RBPMS: variants seen among roughly 807,000 people sequenced by gnomAD.
The protein encoded by RBPMS is RNA binding protein, mRNA processing factor.
A neutral mutation model predicts 26.8 loss-of-function variants in RBPMS; 7 were observed. The ratio of observed to expected loss-of-function variants is 0.26; its 90% CI spans 0.15 to 0.49. RBPMS has a LOEUF of 0.49. Among genes scored for constraint, RBPMS ranks in the 20% least tolerant of loss-of-function variants. RBPMS has a pLI of 0.98. For synonymous variants in RBPMS, 96 were observed against 93.3 expected (o/e 1.03, Z -0.17); for missense variants, 186 against 250.0 (o/e 0.74, Z 1.73).
intron 1 of RBPMS, among the ~76,000 whole-genome samples, chr8:30,458,256 G>GACC (rs1384704176): frequency 6.6e-6 from 1 of 152,030 alleles, no homozygotes; most frequent in African/African-American, 2.4e-5. Flanking sequence ...CCATGATGTG[G>GACC]AACTCACAGA....
chr8:30,385,275 G>C, intron 1 of RBPMS, 117 bp downstream of exon 1: 2 of 655,862 alleles, frequency 3.0e-6, no homozygotes, highest in Non-Finnish European at 4.6e-6. Flanking sequence ...CCGTGCCCCG[G>C]ACGCAGCCCC....
intron 1 of RBPMS, among the ~76,000 whole-genome samples, chr8:30,458,720 A>G (rs1203844538): frequency 1.3e-5 from 2 of 152,128 alleles, no homozygotes; most frequent in Non-Finnish European, 2.9e-5. Context: ...GTGGCCTCAG[A>G]CACTGTTTTT....
At position 30,453,688 on chromosome 8, in the gene RBPMS, A is replaced by T. The variant is rs191738599; in HGVS notation, c.67-21091A>T. The T allele has an allele frequency of 1.0e-3, 153 of 152,278 alleles. 6 individuals carry two copies. The highest frequency in any genetic ancestry group is 9.9e-3 in the Admixed American group (152 of 15,284). The allele number at this position is 152,278 out of a possible 1,614,324, so 9.4% of individuals were successfully genotyped here. A position where few individuals can be genotyped will look rare whatever the true frequency, so the allele number is the denominator to read the frequency against. On this transcript the variant is annotated intron_variant, in intron 1 of 8. Transcript: ENST00000397323. Reference sequence around the variant, plus strand: ...TCTAATTTTTCTCTGCCTGTGTGAGATTCACTCACGGCCTGATTCAAAGGC... The same window carrying T: ...TCTAATTTTTCTCTGCCTGTGTGAGTTTCACTCACGGCCTGATTCAAAGGC...
chr8:30,556,040 C>T (rs1826875236), intron 6 of RBPMS: 5 of 985,306 alleles, frequency 5.1e-6, no homozygotes, highest in Non-Finnish European at 3.6e-6. Flanking sequence ...GGAAGCTGGG[C>T]GCAGCGGAGC....
chr8:30,449,741 C>T (rs1814322475), intron 1 of RBPMS, among the ~76,000 whole-genome samples: 3 of 152,176 alleles, frequency 2.0e-5, no homozygotes, highest in Admixed American at 2.0e-4. Context: ...GAAACTTGGC[C>T]TCAGGGTGAT....
At chr8:30,452,582 G>A (rs889298246) in intron 1 of RBPMS, among the ~76,000 whole-genome samples, 4 of 152,164 alleles carry the variant, frequency 2.6e-5, no homozygotes, top group East Asian at 3.8e-4. Flanking sequence ...GGGAGGATCC[G>A]TATCTCATTT....
chr8:30,538,663 G>C (rs1304054831), intron 5 of RBPMS, among the ~76,000 whole-genome samples: 1 of 152,076 alleles, frequency 6.6e-6, no homozygotes, highest in African/African-American at 2.4e-5. Context: ...AGTTCCCTAG[G>C]GCTGCCACAA....
At chr8:30,549,760 T>C (rs77889399) in intron 6 of RBPMS, among the ~76,000 whole-genome samples, 56 of 35,350 alleles carry the variant, frequency 1.6e-3, no homozygotes, top group Middle Eastern at 0.019. Flanking sequence ...CCTTTTCTTT[T>C]CTTTTCTTTT....
At chr8:30,504,171 G>A (rs1354201395) in intron 4 of RBPMS, 115 bp from the exon 5 acceptor site, 4 of 1,042,650 alleles carry the variant, frequency 3.8e-6, no homozygotes, top group Non-Finnish European at 5.8e-6. Flanking sequence ...AATGAGAGTG[G>A]TTGCTGACCT....
At chr8:30,462,268 A>G (rs1328326583) in intron 1 of RBPMS, among the ~76,000 whole-genome samples, 2 of 152,224 alleles carry the variant, frequency 1.3e-5, no homozygotes, top group Admixed American at 1.3e-4. Context: ...TCTTTGCCAT[A>G]ACCAGTGTTA....
chr8:30,497,297 C>T (rs1379141005), intron 4 of RBPMS, among the ~76,000 whole-genome samples: 2 of 152,176 alleles, frequency 1.3e-5, no homozygotes, highest in African/African-American at 2.4e-5. Flanking sequence ...AATCCCAACA[C>T]TTTGGGAGGC....
chr8:30,496,314 G>A (rs190490610), intron 4 of RBPMS, among the ~76,000 whole-genome samples: 4 of 152,042 alleles, frequency 2.6e-5, no homozygotes, highest in African/African-American at 4.8e-5. Flanking sequence ...GACTACAGGC[G>A]TCCGCCACCA....
chr8:30,444,775 C>T (rs56809222), intron 1 of RBPMS: 115 of 152,304 alleles, frequency 7.6e-4, no homozygotes, highest in African/African-American at 2.7e-3. Context: ...CTAGCCAAAA[C>T]AATTGAACAG....
chr8:30,430,152 T>C (rs1043539165), intron 1 of RBPMS, among the ~76,000 whole-genome samples: 4 of 152,162 alleles, frequency 2.6e-5, no homozygotes, highest in Admixed American at 6.6e-5. Context: ...GGCGCCCGCC[T>C]GTAGTCCCAG....
chr8:30,566,140 C>A, intron 7 of RBPMS, 117 bp from the exon 8 acceptor site: 1 of 373,102 alleles, frequency 2.7e-6, no homozygotes, highest in Non-Finnish European at 3.7e-6. Flanking sequence ...CCTTTGATCT[C>A]TTTCGGCGTT....
chr8:30,453,630 T>A (rs184391983), intron 1 of RBPMS: 3 of 152,316 alleles, frequency 2.0e-5, no homozygotes, highest in East Asian at 3.9e-4. Context: ...CCTTATAAAA[T>A]CTAATTGCAA....
chr8:30,549,364 G>A (rs1347315491), intron 6 of RBPMS: 4 of 718,828 alleles, frequency 5.6e-6, no homozygotes, highest in East Asian at 5.1e-5. Flanking sequence ...TGTGGCTGTG[G>A]CTATCCGGAA....
intron 1 of RBPMS, among the ~76,000 whole-genome samples, chr8:30,414,640 A>C (rs749536136): frequency 7.2e-5 from 11 of 152,162 alleles, no homozygotes; most frequent in Non-Finnish European, 1.2e-4. Context: ...ATAGTACACT[A>C]TCTGTGGCTC....
At chr8:30,428,020 C>CTTTTTTT (rs58756060) in intron 1 of RBPMS, among the ~76,000 whole-genome samples, 3 of 103,952 alleles carry the variant, frequency 2.9e-5, no homozygotes, top group East Asian at 3.1e-4. Flanking sequence ...GAGACCCCAT[C>CTTTTTTT]TTTTTTTTTT....
Sources: gnomAD v4.1 joint callset for allele counts (sites outside exome capture counted in the v4.1 genomes callset) on GRCh38, gnomAD v4.1.1 for gene constraint, MANE v1.5 for transcripts, NCBI Gene and HGNC (gene_info 2026-07-23, HGNC 2026-07-21) for gene names.